The following ZNF596 variants were observed in gnomAD, a reference collection of about 807,000 sequenced individuals.
The protein encoded by ZNF596 is zinc finger protein 596.
In ZNF596, 45 loss-of-function variants were observed where a neutral mutation model predicts 48.3. The ratio of observed to expected loss-of-function variants is 0.93; its 90% confidence interval spans 0.73 to 1.19. The LOEUF is 1.19. Among genes scored for constraint, ZNF596 ranks in the 50% most tolerant of loss-of-function variants. The pLI is 0.00. For synonymous variants in ZNF596, 270 were observed against 202.0 expected (o/e 1.34, Z -2.85); for missense variants, 848 against 599.7 (o/e 1.41, Z -4.32).
At position 246,104 on chromosome 8, in the gene ZNF596, T is replaced by A. The variant is rs757294239; in HGVS notation, c.1257T>A (p.Tyr419Ter). The A allele has an allele frequency of 3.1e-6, 5 of 1,613,492 alleles. No individual in the cohort carries two copies. In the Admixed American group the frequency reaches 5.0e-5, roughly 16 times the overall value. The change falls in exon 6 of 6, where the codon TAT becomes TAA. Residue 419 changes from tyrosine to a stop codon, truncating the protein, a stop_gained. Transcript: ENST00000398612. LOFTEE classifies it high-confidence loss of function. ...GAACTCACACTGGAGAAAAACCATA[T>A]GAATGCCATCTATGCGGAAAAGCCT... ...HERTHTGEKP[Y>*]ECHLCGKAFN...
At position 246,315 on chromosome 8, in the gene ZNF596, C is replaced by G. The variant is rs762139207; in HGVS notation, c.1468C>G (p.Leu490Val). Residue 490 changes from leucine to valine, a missense_variant, in exon 6 of 6, where the codon CTT becomes GTT. Coordinates refer to ENST00000398612, the MANE Select transcript of ZNF596 (RefSeq NM_001042416.3). ...GAAAGCCTTTAGTAAATTTTTTAAC[C>G]TTAGACAACATGAGAGAACTCACAC... ...CGKAFSKFFN[L>V]RQHERTHTKK... 3 of 1,604,330 alleles carry G rather than the reference C, an allele frequency of 1.9e-6. No individual in the cohort carries two copies. Among genetic ancestry groups the G allele is most frequent in the Non-Finnish European group, 1.7e-6 (2 of 1,177,272 alleles).
chr8:241,906 A>G (rs1397777567), intron 2 of ZNF596, among the ~76,000 whole-genome samples: 3 of 152,206 alleles, frequency 2.0e-5, no homozygotes, highest in African/African-American at 7.2e-5. Context: ...ATAAGGCAGC[A>G]GGAGAGAGAC....
intron 1 of ZNF596, chr8:237,495 T>C (rs187294001): frequency 2.1e-4 from 32 of 152,336 alleles, no homozygotes; most frequent in Admixed American, 9.8e-4. Context: ...TTTATCATAC[T>C]TATTAATATC....
chr8:239,142 GA>G (rs2117082501), intron 1 of ZNF596, among the ~76,000 whole-genome samples: 1 of 152,246 alleles, frequency 6.6e-6, no homozygotes, highest in East Asian at 1.9e-4. Context: ...TTTTAAAAGT[GA>G]AGAAACTGTC....
rs1584912440 is a variant in ZNF596 at position 243,705 on chromosome 8, C to G, written c.140-17C>G. On this transcript the variant is annotated splice_polypyrimidine_tract_variant and intron_variant, in intron 3 of 5. Coordinates refer to ENST00000398612, the MANE Select transcript of ZNF596 (RefSeq NM_001042416.3). ...AGCACAGAACTCAAAATCCATGTAT[C>G]TTTTTCCCCAAAACAGGCAAACAGC... 6.2e-7 allele frequency: 1 copy of G among 1,612,150 alleles called. No homozygotes were observed. Among genetic ancestry groups the G allele is most frequent in the South Asian group, 1.1e-5 (1 of 91,000 alleles).
In ZNF596 at chr8:236,110, T is replaced by A. The variant is rs539734557; in HGVS notation, c.-73+3416T>A. Among the ~76,000 whole-genome samples, 3 of 152,382 alleles carry A rather than the reference T, an allele frequency of 2.0e-5. No homozygotes were observed. In the South Asian group the frequency reaches 6.2e-4, roughly 32 times the overall value. ...TCAGGCTTTATTCATGTCATTTTTA[T>A]ATCCTCATTAAGTTTTAAAATTTAT... On this transcript the variant is annotated intron_variant, in intron 1 of 5. Coordinates refer to ENST00000398612, the MANE Select transcript of ZNF596 (RefSeq NM_001042416.3).
intron 2 of ZNF596, among the ~76,000 whole-genome samples, chr8:242,411 C>T (rs893869267): frequency 6.8e-6 from 1 of 147,292 alleles, no homozygotes; most frequent in Non-Finnish European, 1.5e-5. Flanking sequence ...TCTCATTGGA[C>T]CTTTTTGAAC....
At position 246,112 on chromosome 8, in the gene ZNF596, A is replaced by G. The variant is rs780800565; in HGVS notation, c.1265A>G (p.His422Arg). Reference protein sequence around the residue: ...THTGEKPYECHLCGKAFNHSS... With the variant: ...THTGEKPYECRLCGKAFNHSS... ...ACTGGAGAAAAACCATATGAATGCC[A>G]TCTATGCGGAAAAGCCTTCAATCAC... The change falls in exon 6 of 6, where the codon CAT becomes CGT. Residue 422 changes from histidine (H) to arginine (R), a missense_variant. His to Arg is a conservative substitution (Grantham distance 29, BLOSUM62 0). Transcript: ENST00000398612. 6.2e-7 allele frequency: 1 copy of G among 1,613,560 alleles called. No homozygotes were observed. Among genetic ancestry groups the G allele is most frequent in the Non-Finnish European group, 8.5e-7 (1 of 1,179,456 alleles).
chr8:242,537 T>G (rs1192243617), intron 2 of ZNF596, among the ~76,000 whole-genome samples: 3 of 152,250 alleles, frequency 2.0e-5, no homozygotes. Context: ...GTAGTGAGTC[T>G]ATAGATTTTC....
chr8:236,227 G>A (rs1456442021), intron 1 of ZNF596, among the ~76,000 whole-genome samples: 1 of 152,112 alleles, frequency 6.6e-6, no homozygotes, highest in African/African-American at 2.4e-5. Context: ...TTTTTTTAAG[G>A]ACTAATGTTG....
chr8:238,612 C>T (rs935501649), intron 1 of ZNF596, among the ~76,000 whole-genome samples: 1 of 131,694 alleles, frequency 7.6e-6, no homozygotes, highest in Non-Finnish European at 1.6e-5. Flanking sequence ...ATCAGCTTTG[C>T]CAACATGGTG....
chr8:245,874 G>A lies in ZNF596; in HGVS notation c.1027G>A (p.Ala343Thr). ...ATATGAATGTCATCTATGTGGAAAA[G>A]CCTTCTCTCATTGTTCTCACCTTAG... ...KPYECHLCGK[A>T]FSHCSHLRQH... The change falls in exon 6 of 6, where the codon GCC becomes ACC. Residue 343 changes from alanine (A) to threonine (T), a missense_variant. By Grantham distance (58) the Ala-to-Thr change is moderately conservative (BLOSUM62 0). Transcript: ENST00000398612. 1.2e-6 allele frequency: 2 copies of A among 1,613,972 alleles called. No homozygotes were observed. Among genetic ancestry groups the A allele is most frequent in the African/African-American group, 1.3e-5 (1 of 74,994 alleles).
At chr8:237,793 G>C (rs990799569) in intron 1 of ZNF596, 8 of 152,142 alleles carry the variant, frequency 5.3e-5, no homozygotes, top group African/African-American at 1.9e-4. Flanking sequence ...TTATAGGCTG[G>C]ACTCCAGATC....
At chr8:242,520 C>G (rs954636075) in intron 2 of ZNF596, among the ~76,000 whole-genome samples, 11 of 152,192 alleles carry the variant, frequency 7.2e-5, no homozygotes, top group African/African-American at 2.4e-4. Context: ...TGGATGCTGC[C>G]TCCCTTGTAG....
chr8:238,565 C>T (rs972609388), intron 1 of ZNF596, among the ~76,000 whole-genome samples: 1 of 147,108 alleles, frequency 6.8e-6, no homozygotes, highest in Non-Finnish European at 1.5e-5. Flanking sequence ...CTTTGAGAGG[C>T]CGAGGTAGGC....
intron 1 of ZNF596, chr8:234,829 G>A (rs569845425): frequency 3.0e-4 from 46 of 152,318 alleles, no homozygotes; most frequent in African/African-American, 1.1e-3. Flanking sequence ...TTATAGATGG[G>A]AAGTGGGCCA....
chr8:243,922 C>CT (rs1281075741), intron 4 of ZNF596, 117 bp downstream of exon 4: 1 of 811,032 alleles, frequency 1.2e-6, no homozygotes, highest in African/African-American at 1.7e-5. Flanking sequence ...GAATCTCACT[C>CT]TGTCACCCAG....
chr8:244,465 G>A (rs1796978848), intron 4 of ZNF596, 154 bp from the exon 5 acceptor site: 1 of 616,140 alleles, frequency 1.6e-6, no homozygotes, highest in Non-Finnish European at 2.8e-6. Flanking sequence ...AGTAGTCAAT[G>A]TGCTATAATA....
Position 246,027 on chromosome 8 carries a change from C to T in ZNF596, c.1180C>T (p.His394Tyr), listed in dbSNP as rs147693045. ...CACTGGAGAGAAACCATATGAGTGC[C>T]ATGTATGTGGGAAAGCCTTCACTGA... is the stretch of plus-strand genomic sequence containing the variant. ...IHTGEKPYEC[H>Y]VCGKAFTESS... is the part of the protein sequence containing the mutation. The change falls in exon 6 of 6, where the codon CAT (histidine) becomes TAT (tyrosine). Residue 394 changes from histidine (H) to tyrosine (Y), a missense_variant. Physicochemically the swap from His to Tyr is moderately conservative, Grantham distance 83. Transcript: ENST00000398612. 5.0e-6 allele frequency: 8 copies of T among 1,613,700 alleles called. No homozygotes were observed. The highest frequency in any genetic ancestry group is 6.8e-6 in the Non-Finnish European group (8 of 1,179,974).
Sources: gnomAD v4.1 joint callset for allele counts (sites outside exome capture counted in the v4.1 genomes callset) on GRCh38, gnomAD v4.1.1 for gene constraint, MANE v1.5 for transcripts, NCBI Gene and HGNC (gene_info 2026-07-23, HGNC 2026-07-21) for gene names.